The following VAC14 variants were observed in gnomAD, a reference collection of about 807,000 sequenced individuals.
VAC14 encodes protein VAC14 homolog.
In VAC14, 47 loss-of-function variants were observed where a neutral mutation model predicts 85.3. The observed-to-expected ratio is 0.55, with a 90% CI of 0.44 to 0.70. VAC14 has a LOEUF of 0.70. Among genes scored for constraint, VAC14 ranks in the 30% least tolerant of loss-of-function variants. The pLI is 0.00. For synonymous variants in VAC14, 447 were observed against 430.5 expected, an observed-to-expected ratio of 1.04 and a Z score of -0.47; for missense variants, 861 against 1,004.3, an observed-to-expected ratio of 0.86 and a Z score of 1.93.
intron 14 of VAC14, among the ~76,000 whole-genome samples, chr16:70,725,079 A>T (rs1376989244): frequency 6.6e-6 from 1 of 152,264 alleles, no homozygotes; most frequent in Admixed American, 6.5e-5. Context: ...AGCTGGGGCC[A>T]GAGGCAAACA....
At chr16:70,770,951 T>C (rs1041776433) in intron 10 of VAC14, 3 of 152,158 alleles carry the variant, frequency 2.0e-5, no homozygotes, top group Non-Finnish European at 4.4e-5. Flanking sequence ...GGAAGAACCC[T>C]AGCTAGGGGT....
In VAC14 at chr16:70,744,755, C is replaced by G. The variant is rs181060684; in HGVS notation, c.1372-176G>C. 10 of 651,812 alleles carry G rather than the reference C, an allele frequency of 1.5e-5. No individual in the cohort carries two copies. The African/African-American group carries it at 1.7e-4, about 11-fold the overall frequency. 40.4% of individuals were successfully genotyped at this position (651,812 alleles called of 1,614,324 possible). On this transcript the variant is annotated intron_variant, in intron 12 of 18. Transcript: ENST00000261776. ...CTGGGGCATGCTCAGAAAAGTGAAACAAAGTATCCAGAATGAAGGGAACAC... is the reference window on the plus strand; with the variant it reads ...CTGGGGCATGCTCAGAAAAGTGAAAGAAAGTATCCAGAATGAAGGGAACAC...
At chr16:70,695,114 T>TC (rs1448970171) in intron 17 of VAC14, among the ~76,000 whole-genome samples, 4 of 151,356 alleles carry the variant, frequency 2.6e-5, no homozygotes, top group Non-Finnish European at 3.0e-5. Context: ...CCAGTCTTTT[T>TC]TTTTTTTTTT....
At chr16:70,778,697 G>T (rs2033649038) in intron 9 of VAC14, 1 of 152,146 alleles carries the variant, frequency 6.6e-6, no homozygotes, top group Non-Finnish European at 1.5e-5. Flanking sequence ...AACAAACAGA[G>T]CAGAAGGTGA....
chr16:70,736,850 A>C (rs1224531918), intron 13 of VAC14, among the ~76,000 whole-genome samples: 1 of 141,280 alleles, frequency 7.1e-6, no homozygotes, highest in African/African-American at 2.6e-5. Flanking sequence ...TGAGCAGGGC[A>C]GTCTTTTCCC....
intron 14 of VAC14, chr16:70,699,295 G>A (rs979984571): frequency 7.4e-5 from 14 of 189,144 alleles, no homozygotes; most frequent in Non-Finnish European, 1.0e-4. Flanking sequence ...GGAAGCCCCC[G>A]AGGTCAGGGA....
intron 8 of VAC14, 101 bp downstream of exon 8, chr16:70,781,768 G>A (rs2033822177): frequency 1.4e-6 from 2 of 1,477,884 alleles, no homozygotes; most frequent in Admixed American, 4.1e-5. Context: ...ATGGAAGTGT[G>A]ATGGATCCTA....
chr16:70,771,133 G>A (rs2033188168), intron 10 of VAC14: 2 of 152,198 alleles, frequency 1.3e-5, no homozygotes, highest in South Asian at 4.1e-4. Flanking sequence ...AGTGACATGG[G>A]GCAAGTCCAG....
At chr16:70,765,458 C>T (rs2032734765) in intron 10 of VAC14, among the ~76,000 whole-genome samples, 1 of 152,160 alleles carries the variant, frequency 6.6e-6, no homozygotes, top group Non-Finnish European at 1.5e-5. Flanking sequence ...TGAAAGCTCT[C>T]CTGGGCGCTT....
At chr16:70,768,602 C>T (rs574199388) in intron 10 of VAC14, 1 of 321,966 alleles carries the variant, frequency 3.1e-6, no homozygotes, top group South Asian at 2.3e-5. Flanking sequence ...CTGGGGCCAC[C>T]AGGGGCTTCC....
chr16:70,780,691 A>G (rs555680568), intron 9 of VAC14, 99 bp downstream of exon 9: 2 of 1,407,458 alleles, frequency 1.4e-6, no homozygotes, highest in South Asian at 2.8e-5. Context: ...TACATAAAGT[A>G]GTCCTGGTTG....
At chr16:70,782,979 GGCAGTGGCAGCA>G in intron 7 of VAC14, 42 bp downstream of exon 7, 1 of 1,491,300 alleles carries the variant, frequency 6.7e-7, no homozygotes, top group Non-Finnish European at 9.3e-7. Flanking sequence ...CTGCAGAGGT[GGCAGTGGCAGCA>G]GCAGTGGCAG....
intron 12 of VAC14, among the ~76,000 whole-genome samples, chr16:70,748,878 A>G (rs531269298): frequency 6.6e-6 from 1 of 152,332 alleles, no homozygotes; most frequent in South Asian, 2.1e-4. Context: ...CAGAGGCTGT[A>G]GTGAGCTGAG....
intron 18 of VAC14, chr16:70,691,434 G>C: frequency 5.1e-6 from 5 of 985,444 alleles, no homozygotes; most frequent in Non-Finnish European, 6.0e-6. Flanking sequence ...GCAAAGGCTG[G>C]GCCAGCAAGG....
intron 17 of VAC14, among the ~76,000 whole-genome samples, chr16:70,694,440 C>G (rs139116827): frequency 6.6e-6 from 1 of 152,212 alleles, no homozygotes; most frequent in African/African-American, 2.4e-5. Context: ...CCCTGCTCTT[C>G]TGTCTCCAGG....
At chr16:70,764,071 T>C (rs1023905801) in intron 10 of VAC14, among the ~76,000 whole-genome samples, 2 of 152,220 alleles carry the variant, frequency 1.3e-5, no homozygotes, top group Non-Finnish European at 2.9e-5. Flanking sequence ...CTTCGTGGCA[T>C]TTCTAGGCTG....
chr16:70,764,532 C>G (rs2032657936), intron 10 of VAC14, among the ~76,000 whole-genome samples: 1 of 152,184 alleles, frequency 6.6e-6, no homozygotes, highest in African/African-American at 2.4e-5. Flanking sequence ...CACTGTCCCG[C>G]AGAAATACAA....
At chr16:70,784,910 T>C in intron 3 of VAC14, 72 bp from the exon 4 acceptor site, 1 of 1,373,598 alleles carries the variant, frequency 7.3e-7, no homozygotes, top group Admixed American at 1.7e-5. Flanking sequence ...AGGGATTTCC[T>C]GCAAATCCGC....
chr16:70,742,684 C>G (rs2030460736), intron 13 of VAC14, among the ~76,000 whole-genome samples: 1 of 152,252 alleles, frequency 6.6e-6, no homozygotes, highest in Non-Finnish European at 1.5e-5. Context: ...CCGGCTGCCC[C>G]TTGAACTTCT....
Sources: gnomAD v4.1 joint callset for allele counts (sites outside exome capture counted in the v4.1 genomes callset) on GRCh38, gnomAD v4.1.1 for gene constraint, MANE v1.5 for transcripts, NCBI Gene and HGNC (gene_info 2026-07-23, HGNC 2026-07-21) for gene names.